MAMLD1: variants seen among roughly 807,000 people sequenced by gnomAD.
MAMLD1 encodes mastermind-like domain-containing protein 1.
MAMLD1 carries 14 observed loss-of-function variants against 45.0 expected under a neutral mutation model. The observed-to-expected ratio is 0.31, with a 90% CI of 0.21 to 0.49. The LOEUF is 0.49. MAMLD1 is among the 20% of genes least tolerant of loss of function. MAMLD1 has a pLI of 0.99. For missense variants in MAMLD1, 543 were observed against 603.6 expected (o/e 0.90, Z 1.05); for synonymous variants, 254 against 247.8 (o/e 1.02, Z -0.24).
rs73250536 is a variant in MAMLD1 at position 150,482,523 on chromosome X, A to C, written c.2040+8721A>C. 6.3e-3 allele frequency among the ~76,000 whole-genome samples: 707 copies of C among 112,964 alleles called. 4 individuals are homozygous for C. The highest frequency in any genetic ancestry group is 8.9e-3 in the Non-Finnish European group (475 of 53,403). On this transcript the variant is annotated intron_variant, in intron 5 of 7. Transcript: ENST00000370401. ...ATTGTTAAAATGGTACATTTTATAC[A>C]TATTTTTACCACAATGAAAAAGTAA...
chrX:150,390,798 A>G (rs972565741), intron 1 of MAMLD1, among the ~76,000 whole-genome samples: 13 of 112,287 alleles, frequency 1.2e-4, no homozygotes, highest in African/African-American at 4.2e-4. Flanking sequence ...TTTTTCTGTT[A>G]TCATTTCCTG....
At position 150,463,183 on chromosome X, in the gene MAMLD1, TA is replaced by T. The variant is rs1470295311; in HGVS notation, c.171+338del. ...GCCCTCTCCTTTGACCTTTAGCTTC[TA>T]TTACAGCTACCTCAGGCAGCACCTA... On this transcript the variant is annotated intron_variant, in intron 3 of 7. Coordinates refer to ENST00000370401, the MANE Select transcript of MAMLD1 (RefSeq NM_005491.5). Among the ~76,000 whole-genome samples, 4 of 112,409 alleles carry T rather than the reference TA, an allele frequency of 3.6e-5. No individual in the cohort carries two copies. The East Asian group carries it at 1.1e-3, about 31-fold the overall frequency.
intron 1 of MAMLD1, among the ~76,000 whole-genome samples, chrX:150,365,410 T>C (rs1192804645): frequency 8.9e-6 from 1 of 112,310 alleles, no homozygotes; most frequent in Non-Finnish European, 1.9e-5. Context: ...GACGGCCGAG[T>C]GGACTGCACT....
At chrX:150,489,357 G>A (rs894537337) in intron 5 of MAMLD1, among the ~76,000 whole-genome samples, 1 of 110,328 alleles carries the variant, frequency 9.1e-6, no homozygotes, top group African/African-American at 3.3e-5. Flanking sequence ...GTGCCTTCTT[G>A]CTGCATTCTC....
chrX:150,375,140 AAGGCCACG>A (rs1356632945), intron 1 of MAMLD1, among the ~76,000 whole-genome samples: 2 of 111,134 alleles, frequency 1.8e-5, no homozygotes, highest in Non-Finnish European at 1.9e-5. Flanking sequence ...TTCTCATGGC[AAGGCCACG>A]AGGGCTCATA....
chrX:150,481,293 T>C (rs1362119258), intron 5 of MAMLD1, among the ~76,000 whole-genome samples: 3 of 112,559 alleles, frequency 2.7e-5, no homozygotes, highest in African/African-American at 9.7e-5. Context: ...GCTTTCTAGT[T>C]TCACATCTTC....
chrX:150,364,759 C>G (rs1183590474), intron 1 of MAMLD1, among the ~76,000 whole-genome samples: 3 of 113,121 alleles, frequency 2.7e-5, no homozygotes, highest in African/African-American at 9.6e-5. Context: ...GGAACAAAGG[C>G]GCAAAGTCTC....
At chrX:150,482,086 T>C (rs996751763) in intron 5 of MAMLD1, among the ~76,000 whole-genome samples, 1 of 111,301 alleles carries the variant, frequency 9.0e-6, no homozygotes, top group Admixed American at 9.5e-5. Context: ...TTGTTCACAA[T>C]AGTCAAAAGA....
chrX:150,422,340 C>T (rs182118897), intron 1 of MAMLD1, among the ~76,000 whole-genome samples: 9 of 112,295 alleles, frequency 8.0e-5, no homozygotes, highest in African/African-American at 2.3e-4. Context: ...CATCTCTCAC[C>T]ATCTTTTGCT....
At chrX:150,366,697 T>C (rs2031478849) in intron 1 of MAMLD1, among the ~76,000 whole-genome samples, 1 of 111,678 alleles carries the variant, frequency 9.0e-6, no homozygotes, top group African/African-American at 3.3e-5. Flanking sequence ...TGGGCTCCTA[T>C]ACTGCTTTGT....
chrX:150,476,736 G>A (rs191584510), intron 5 of MAMLD1, among the ~76,000 whole-genome samples: 2 of 113,062 alleles, frequency 1.8e-5, no homozygotes, highest in South Asian at 3.6e-4. Context: ...TAGAGAAGGG[G>A]GAATCAAACC....
At chrX:150,381,869 C>T (rs2032624537) in intron 1 of MAMLD1, among the ~76,000 whole-genome samples, 1 of 111,685 alleles carries the variant, frequency 9.0e-6, no homozygotes, top group Non-Finnish European at 1.9e-5. Flanking sequence ...GGATTATTTG[C>T]ATTTTTTCTC....
At chrX:150,488,105 T>G (rs2148332933) in intron 5 of MAMLD1, among the ~76,000 whole-genome samples, 1 of 112,859 alleles carries the variant, frequency 8.9e-6, no homozygotes, top group African/African-American at 3.2e-5. Context: ...GTCCCTGGCA[T>G]CTACAGCCAA....
At chrX:150,387,605 G>A (rs2032993613) in intron 1 of MAMLD1, among the ~76,000 whole-genome samples, 2 of 111,563 alleles carry the variant, frequency 1.8e-5, no homozygotes, top group African/African-American at 6.5e-5. Flanking sequence ...ATATGAGTGG[G>A]GTCCTGGAAC....
chrX:150,455,474 T>C (rs1426870224), intron 2 of MAMLD1, among the ~76,000 whole-genome samples: 2 of 112,049 alleles, frequency 1.8e-5, no homozygotes, highest in Non-Finnish European at 3.8e-5. Context: ...GTTTGCATTT[T>C]CAAGAGTAGA....
intron 1 of MAMLD1, among the ~76,000 whole-genome samples, chrX:150,379,079 C>G (rs781786622): frequency 8.9e-6 from 1 of 112,087 alleles, no homozygotes; most frequent in South Asian, 3.7e-4. Context: ...ATATCTATTC[C>G]TTTTTATTTA....
chrX:150,498,883 G>A (rs1276651917), intron 5 of MAMLD1, among the ~76,000 whole-genome samples: 2 of 112,388 alleles, frequency 1.8e-5, no homozygotes, highest in Non-Finnish European at 3.8e-5. Flanking sequence ...AAGCCAAGAA[G>A]CGTGACTTAC....
rs185932590 is a variant in MAMLD1, at chrX:150,395,066, T to G, written c.-64+31536T>G. On this transcript the variant is annotated intron_variant, in intron 1 of 7. Transcript: ENST00000370401. ...TTACCATTAAGTATGATAGTAGCAG[T>G]TTTTTTTTGTAAATATTCTTTTTCA... 6.0e-3 allele frequency among the ~76,000 whole-genome samples: 663 copies of G among 110,388 alleles called. 3 individuals carry two copies. Among genetic ancestry groups the G allele is most frequent in the African/African-American group, 0.021 (625 of 30,418 alleles).
At chrX:150,372,816 AC>A (rs1377131834) in intron 1 of MAMLD1, among the ~76,000 whole-genome samples, 1 of 112,086 alleles carries the variant, frequency 8.9e-6, no homozygotes, top group Non-Finnish European at 1.9e-5. Context: ...AGTTGCCATG[AC>A]AGTTCTCGAA....
Sources: allele counts gnomAD v4.1 joint callset (sites outside exome capture counted in the v4.1 genomes callset), GRCh38; gene constraint gnomAD v4.1.1; transcripts MANE v1.5; gene names NCBI Gene and HGNC (gene_info 2026-07-23, HGNC 2026-07-21).